Variants in POU2F2 observed in about 807,000 individuals in gnomAD.
POU2F2 encodes the protein POU class 2 homeobox 2.
POU2F2 carries 14 observed loss-of-function variants against 63.5 expected under a neutral mutation model. The observed-to-expected ratio is 0.22, with a 90% CI of 0.15 to 0.34. POU2F2 has a LOEUF of 0.34. Ranked by LOEUF, POU2F2 falls within the 10% of genes least tolerant of loss-of-function variation. The probability of loss-of-function intolerance (pLI) is 1.00; values close to 1 mark genes in which losing one functional copy is unlikely to be tolerated. For synonymous variants in POU2F2, 306 were observed against 348.6 expected, an observed-to-expected ratio of 0.88 and a Z score of 1.36; for missense variants, 607 against 815.2, an observed-to-expected ratio of 0.74 and a Z score of 3.11.
At chr19:42,188,684 A>G (rs1361820719) in intron 1 of POU2F2, among the ~76,000 whole-genome samples, 1 of 148,606 alleles carries the variant, frequency 6.7e-6, no homozygotes, top group African/African-American at 2.5e-5. Flanking sequence ...AAAAAAAAAA[A>G]AAGAAAGAAA....
At chr19:42,157,006 C>T (rs1272641266) in intron 2 of POU2F2, 1 of 152,288 alleles carries the variant, frequency 6.6e-6, no homozygotes, top group Admixed American at 6.5e-5. Context: ...TGGGACCGCT[C>T]CACATTGAAG....
In POU2F2 at chr19:42,095,473, A is replaced by C; in HGVS notation, c.1021-11T>G. On this transcript the variant is annotated splice_polypyrimidine_tract_variant and intron_variant, in intron 10 of 14. Transcript: ENST00000692977. This position sits in a 1 kb window ranked among gnomAD's most constrained non-coding sequence, Gnocchi z 7.1. The stretch of plus-strand genomic sequence containing the variant: ...GGTAGGCTTCTGGTTCTGCAGGCAG[A>C]GGGCTCGTTAGCCCGAGGCCCACCG... 1 of 1,611,096 alleles carries C rather than the reference A, an allele frequency of 6.2e-7. No homozygotes were observed. The highest frequency in any genetic ancestry group is 8.5e-7 in the Non-Finnish European group (1 of 1,179,224).
At chr19:42,134,125 G>A (rs2033934838), upstream of POU2F2, among the ~76,000 whole-genome samples, 1 of 151,142 alleles carries the variant, frequency 6.6e-6, no homozygotes, top group Non-Finnish European at 1.5e-5. Flanking sequence ...GGACACTGGA[G>A]CCTTGTCTCA....
intron 5 of POU2F2, among the ~76,000 whole-genome samples, chr19:42,102,898 C>T (rs978573660): frequency 6.6e-6 from 1 of 152,104 alleles, no homozygotes; most frequent in Non-Finnish European, 1.5e-5. Context: ...TCTCATAGCC[C>T]TCAACAATGC....
chr19:42,108,742 G>A (rs1229814386), intron 5 of POU2F2, among the ~76,000 whole-genome samples: 1 of 152,202 alleles, frequency 6.6e-6, no homozygotes, highest in African/African-American at 2.4e-5. Context: ...TGTTACGTCC[G>A]AGTCAGAGCA....
intron 1 of POU2F2, among the ~76,000 whole-genome samples, chr19:42,183,995 ATTT>A (rs577786741): frequency 2.9e-4 from 36 of 125,730 alleles, no homozygotes; most frequent in Non-Finnish European, 3.5e-4. Flanking sequence ...ACGACTGGGG[ATTT>A]TTTTTTTTTT....
chr19:42,099,315 C>A, intron 7 of POU2F2: 1 of 566,680 alleles, frequency 1.8e-6, no homozygotes, highest in Non-Finnish European at 3.2e-6. Flanking sequence ...GGTTAAGAAC[C>A]ACTTGTCTGG....
chr19:42,146,820 C>T (rs563601235), intron 2 of POU2F2, among the ~76,000 whole-genome samples: 2 of 152,342 alleles, frequency 1.3e-5, no homozygotes, highest in Non-Finnish European at 1.5e-5. Flanking sequence ...AGCACCTGAC[C>T]TGGTAAGAGG....
chr19:42,168,514 G>A (rs1156717303), intron 1 of POU2F2, among the ~76,000 whole-genome samples: 2 of 152,132 alleles, frequency 1.3e-5, no homozygotes, highest in Admixed American at 1.3e-4. Flanking sequence ...ACAGTCTTCT[G>A]CCTTCTTCTC....
chr19:42,144,895 C>T (rs2034199946), intron 2 of POU2F2, among the ~76,000 whole-genome samples: 1 of 152,212 alleles, frequency 6.6e-6, no homozygotes, highest in African/African-American at 2.4e-5. Flanking sequence ...ATTTCTCTTC[C>T]TCCAAAGTCT....
chr19:42,168,359 A>C (rs534718622), intron 1 of POU2F2, among the ~76,000 whole-genome samples: 1 of 152,224 alleles, frequency 6.6e-6, no homozygotes, highest in South Asian at 2.1e-4. Flanking sequence ...AATAAATCCC[A>C]AGCCTCACAG....
rs908457097 is a variant in POU2F2, at chr19:42,087,274, T to A, written c.*3983A>T. The A allele has an allele frequency of 2.0e-5, 3 of 151,726 alleles. No individual in the cohort carries two copies. The highest frequency in any genetic ancestry group is 1.5e-5 in the Non-Finnish European group (1 of 67,938). 9.4% of individuals were successfully genotyped at this position (151,726 alleles called of 1,614,324 possible). A position where few individuals can be genotyped will look rare whatever the true frequency, so the allele number is the denominator to read the frequency against. ...GTCTCAATCTTGCTGTCTGTCTCAC[T>A]CTCTCTCTCACTCAGGTCCCCCTAC... On this transcript the variant is annotated 3_prime_UTR_variant, in exon 15 of 15. Coordinates refer to ENST00000692977, the MANE Select transcript of POU2F2 (RefSeq NM_001394376.1).
At chr19:42,183,167 A>C (rs1348752643) in intron 1 of POU2F2, among the ~76,000 whole-genome samples, 1 of 152,212 alleles carries the variant, frequency 6.6e-6, no homozygotes, top group Non-Finnish European at 1.5e-5. Context: ...TACTATCACG[A>C]ATTAGCACTA....
chr19:42,174,584 C>T (rs906530015), intron 1 of POU2F2, among the ~76,000 whole-genome samples: 1 of 151,888 alleles, frequency 6.6e-6, no homozygotes, highest in African/African-American at 2.4e-5. Flanking sequence ...CCACTGAAAA[C>T]ACATGTCACG....
In POU2F2 at chr19:42,086,296, G is replaced by A. The variant is rs2076546134; in HGVS notation, c.*4961C>T. 6.6e-6 allele frequency: 1 copy of A among 152,256 alleles called. No individual in the cohort carries two copies. Among genetic ancestry groups the A allele is most frequent in the African/African-American group, 2.4e-5 (1 of 41,432 alleles). The allele number at this position is 152,256 out of a possible 1,614,324, so 9.4% of individuals were successfully genotyped here. ...AGAAGAGACGGAGGGGGTACAGGAAGGGAAGGAAGGGGCTACCAACACAGG... is the reference window on the plus strand; with the variant it reads ...AGAAGAGACGGAGGGGGTACAGGAAAGGAAGGAAGGGGCTACCAACACAGG... On this transcript the variant is annotated 3_prime_UTR_variant, in exon 15 of 15. Transcript: ENST00000692977.
intron 5 of POU2F2, among the ~76,000 whole-genome samples, chr19:42,114,340 G>A (rs754959129): frequency 5.9e-5 from 9 of 152,144 alleles, no homozygotes; most frequent in Non-Finnish European, 1.2e-4. Context: ...GCACGGCTGG[G>A]GGGAGGGAAG....
chr19:42,134,427 C>T (rs1454525701), upstream of POU2F2: 1 of 152,368 alleles, frequency 6.6e-6, no homozygotes, highest in Non-Finnish European at 1.5e-5. Context: ...GAAACAACCC[C>T]ACACCTCTCG....
At chr19:42,106,221 TC>T (rs2029958472) in intron 5 of POU2F2, among the ~76,000 whole-genome samples, 1 of 151,890 alleles carries the variant, frequency 6.6e-6, no homozygotes, top group Non-Finnish European at 1.5e-5. Flanking sequence ...TTATCCTGCC[TC>T]AGACTTCCAA....
chr19:42,099,434 A>G (rs906796572), intron 7 of POU2F2, 93 bp downstream of exon 7: 15 of 1,127,460 alleles, frequency 1.3e-5, no homozygotes, highest in Admixed American at 5.9e-5. Flanking sequence ...TCAAATGGAA[A>G]GGAGACTCTC....
Sources: allele counts gnomAD v4.1 joint callset (sites outside exome capture counted in the v4.1 genomes callset), GRCh38; gene constraint gnomAD v4.1.1; non-coding constraint Gnocchi (gnomAD v3.1); transcripts MANE v1.5; gene names NCBI Gene and HGNC (gene_info 2026-07-23, HGNC 2026-07-21).